Variants in EYA3 observed in about 807,000 individuals in gnomAD.
EYA3 encodes the protein protein phosphatase EYA3.
A neutral mutation model predicts 80.0 loss-of-function variants in EYA3; 39 were observed. The observed-to-expected ratio is 0.49, with a 90% CI of 0.38 to 0.64. EYA3 has a LOEUF of 0.64. Among genes scored for constraint, EYA3 ranks in the 30% least tolerant of loss-of-function variants. EYA3 has a pLI of 0.00. For synonymous variants in EYA3, 206 were observed against 232.8 expected, an observed-to-expected ratio of 0.88 and a Z score of 1.05; for missense variants, 523 against 676.1, an observed-to-expected ratio of 0.77 and a Z score of 2.51.
chr1:28,029,001 T>C (rs1642954527), intron 6 of EYA3, among the ~76,000 whole-genome samples: 1 of 152,180 alleles, frequency 6.6e-6, no homozygotes, highest in South Asian at 2.1e-4. Context: ...ATTACAGGCA[T>C]GAGCCACTGC....
chr1:28,033,724 G>A (rs1227829971), intron 6 of EYA3, among the ~76,000 whole-genome samples: 2 of 150,476 alleles, frequency 1.3e-5, no homozygotes, highest in South Asian at 4.2e-4. Flanking sequence ...GCACCATCTC[G>A]GCTCACTGCA....
At position 27,974,275 on chromosome 1, in the gene EYA3, GA is replaced by G; in HGVS notation, c.*190del. On this transcript the variant is annotated 3_prime_UTR_variant, in exon 18 of 18. Coordinates refer to ENST00000373871, the MANE Select transcript of EYA3 (RefSeq NM_001990.4). ...GGATAAAGACAGAGAGAGAGAGAGA[GA>G]GAGAGGCAGAGAGGGAGGGAGAGAG... The G allele has an allele frequency of 4.6e-6, 2 of 431,930 alleles. No individual in the cohort carries two copies. Among genetic ancestry groups the G allele is most frequent in the East Asian group, 3.6e-5 (1 of 27,620 alleles). The allele number at this position is 431,930 out of a possible 1,614,324, so 26.8% of individuals were successfully genotyped here. A position where few individuals can be genotyped will look rare whatever the true frequency, so the allele number is the denominator to read the frequency against.
chr1:28,038,439 T>TTAAAAAAAAAAA (rs1643576322), intron 5 of EYA3, among the ~76,000 whole-genome samples: 1 of 68,480 alleles, frequency 1.5e-5, no homozygotes, highest in African/African-American at 5.7e-5. Flanking sequence ...GATTCTATCT[T>TTAAAAAAAAAAA]AAAAAAAAAA....
chr1:28,063,322 A>AT (rs199751730), intron 1 of EYA3, among the ~76,000 whole-genome samples: 14 of 108,296 alleles, frequency 1.3e-4, no homozygotes, highest in African/African-American at 3.7e-4. Context: ...TTTATTTTTA[A>AT]TTTTTTTTGG....
chr1:28,045,969 G>T (rs1021388980), intron 3 of EYA3, among the ~76,000 whole-genome samples: 2 of 152,162 alleles, frequency 1.3e-5, no homozygotes, highest in African/African-American at 4.8e-5. Context: ...GCTACAAATG[G>T]ATAGACCTTA....
intron 16 of EYA3, among the ~76,000 whole-genome samples, chr1:27,982,463 T>TAA (rs1557523132): frequency 1.3e-3 from 192 of 146,302 alleles, no homozygotes; most frequent in African/African-American, 4.8e-3. Context: ...TTGCTCTAGA[T>TAA]TAAAAAAAAA....
chr1:28,000,061 T>C lies in EYA3; in HGVS notation c.994-12A>G. 4 of 1,573,122 alleles carry C rather than the reference T, an allele frequency of 2.5e-6. No individual in the cohort carries two copies. The highest frequency in any genetic ancestry group is 2.6e-6 in the Non-Finnish European group (3 of 1,160,448). ...ACTACTGTTGGGTCCTAGAAGACAA[T>C]AAGAAAAAATCAGCTTGACTTGGTA... On this transcript the variant is annotated splice_polypyrimidine_tract_variant and intron_variant, in intron 11 of 17. Transcript: ENST00000373871.
At chr1:28,076,033 G>T (rs1221376442) in intron 1 of EYA3, among the ~76,000 whole-genome samples, 1 of 152,186 alleles carries the variant, frequency 6.6e-6, no homozygotes. Context: ...GCTCCCTTTA[G>T]TGTGATCCTA....
chr1:28,000,143 A>G, intron 11 of EYA3, 94 bp from the exon 12 acceptor site: 2 of 731,822 alleles, frequency 2.7e-6, no homozygotes, highest in Non-Finnish European at 2.2e-6. Flanking sequence ...CAAGGCCAAA[A>G]CACACGAGCT....
intron 1 of EYA3, among the ~76,000 whole-genome samples, chr1:28,084,376 G>A (rs773480976): frequency 2.0e-5 from 3 of 151,280 alleles, no homozygotes; most frequent in Admixed American, 6.6e-5. Context: ...AAAGATACCA[G>A]TATCAACAGG....
intron 16 of EYA3, among the ~76,000 whole-genome samples, chr1:27,978,814 T>C (rs1639117612): frequency 6.6e-6 from 1 of 152,078 alleles, no homozygotes; most frequent in South Asian, 2.1e-4. Context: ...AAAACAAAAT[T>C]AGCTGGGCAT....
chr1:28,073,127 A>ATATTTTTTTT (rs1553157671), intron 1 of EYA3, among the ~76,000 whole-genome samples: 3 of 14,998 alleles, frequency 2.0e-4, no homozygotes, highest in Non-Finnish European at 3.4e-4. Flanking sequence ...ATATATATAT[A>ATATTTTTTTT]TTTTTTTTTT....
At chr1:28,046,122 A>C (rs1282066430) in intron 3 of EYA3, among the ~76,000 whole-genome samples, 2 of 152,222 alleles carry the variant, frequency 1.3e-5, no homozygotes, top group Non-Finnish European at 2.9e-5. Flanking sequence ...AATATTGTTT[A>C]GTGAACATGG....
intron 5 of EYA3, among the ~76,000 whole-genome samples, chr1:28,038,602 T>C (rs972763524): frequency 6.6e-6 from 1 of 152,156 alleles, no homozygotes; most frequent in Non-Finnish European, 1.5e-5. Flanking sequence ...GCATGTTCAG[T>C]GCCTACTCAT....
chr1:28,035,607 G>A lies in EYA3; in HGVS notation c.298C>T (p.Gln100Ter). The A allele has an allele frequency of 6.2e-7, 1 of 1,614,096 alleles. No homozygotes were observed. Among genetic ancestry groups the A allele is most frequent in the Non-Finnish European group, 8.5e-7 (1 of 1,179,966 alleles). Residue 100 changes from glutamine (Q) to a stop codon, truncating the protein, a stop_gained, in exon 6 of 18, where the codon CAG (glutamine) becomes TAG (stop). Coordinates refer to ENST00000373871, the MANE Select transcript of EYA3 (RefSeq NM_001990.4). LOFTEE classifies it high-confidence loss of function. Reference protein sequence around the residue: ...YPGQTQYQTLQQTQPYAVYPQ... With the variant: ...YPGQTQYQTL Reference sequence around the variant, plus strand: ...TAGACAGCATAGGGTTGAGTCTGCTGTAGTGTCTGGTATTGAGTCTGTCCA... The same window carrying A: ...TAGACAGCATAGGGTTGAGTCTGCTATAGTGTCTGGTATTGAGTCTGTCCA...
At chr1:28,065,037 TC>T (rs1644781955) in intron 1 of EYA3, among the ~76,000 whole-genome samples, 2 of 152,352 alleles carry the variant, frequency 1.3e-5, no homozygotes, top group South Asian at 2.1e-4. Flanking sequence ...TACAGTAGTC[TC>T]CCCTTCCAAG....
rs928529987 is a variant in EYA3, at chr1:28,009,832, C to T, written c.909+1115G>A. On this transcript the variant is annotated intron_variant, in intron 10 of 17. Transcript: ENST00000373871. The surrounding 1 kb of genome is among the most constrained non-coding windows in gnomAD (Gnocchi z 4.8). ...ATGGGGAGTTACTGCTTAATGGGTACAGAGTTTTCATTTGGAATCATGAAA... is the reference window on the plus strand; with the variant it reads ...ATGGGGAGTTACTGCTTAATGGGTATAGAGTTTTCATTTGGAATCATGAAA... Among the ~76,000 whole-genome samples, 4 of 152,074 alleles carry T rather than the reference C, an allele frequency of 2.6e-5. No homozygotes were observed. Among genetic ancestry groups the T allele is most frequent in the Non-Finnish European group, 5.9e-5 (4 of 68,024 alleles).
intron 1 of EYA3, among the ~76,000 whole-genome samples, chr1:28,071,470 T>C (rs576928300): frequency 6.6e-6 from 1 of 152,224 alleles, no homozygotes; most frequent in African/African-American, 2.4e-5. Flanking sequence ...TTTAACTTTG[T>C]AACACTGTGC....
rs912729316 is a variant in EYA3 at position 28,009,198 on chromosome 1, T to A, written c.909+1749A>T. On this transcript the variant is annotated intron_variant, in intron 10 of 17. Transcript: ENST00000373871. The surrounding 1 kb of genome is among the most constrained non-coding windows in gnomAD (Gnocchi z 4.8). ...CAGATAGATAATTGTACACCAATGGTCAAAGCAGCATTACTCACAATAGCA... is the reference window on the plus strand; with the variant it reads ...CAGATAGATAATTGTACACCAATGGACAAAGCAGCATTACTCACAATAGCA... Among the ~76,000 whole-genome samples, 17 of 152,096 alleles carry A rather than the reference T, an allele frequency of 1.1e-4. No individual in the cohort carries two copies. Among genetic ancestry groups the A allele is most frequent in the Admixed American group, 3.9e-4 (6 of 15,268 alleles).
Sources: allele counts gnomAD v4.1 joint callset (sites outside exome capture counted in the v4.1 genomes callset), GRCh38; gene constraint gnomAD v4.1.1; non-coding constraint Gnocchi (gnomAD v3.1); transcripts MANE v1.5; gene names NCBI Gene and HGNC (gene_info 2026-07-23, HGNC 2026-07-21).